Variants in PLCE1 observed in about 807,000 individuals in gnomAD.
PLCE1 encodes phospholipase C epsilon 1, also known as 1-phosphatidylinositol 4,5-bisphosphate phosphodiesterase epsilon-1.
A neutral mutation model predicts 242.8 loss-of-function variants in PLCE1; 119 were observed. The observed-to-expected ratio is 0.49, with a 90% CI of 0.42 to 0.57. The LOEUF (loss-of-function observed/expected upper bound fraction) is 0.57. Among genes scored for constraint, PLCE1 ranks in the 20% least tolerant of loss-of-function variants. The probability of loss-of-function intolerance (pLI) is 0.00; values close to 1 mark genes in which losing one functional copy is unlikely to be tolerated. For missense variants in PLCE1, 2,441 were observed against 2,788.8 expected (o/e 0.88, Z 2.81); for synonymous variants, 945 against 1,017.4 (o/e 0.93, Z 1.35).
rs1564727486 is a variant in PLCE1, at chr10:94,141,632, GGAAA to G, written c.1492+9181_1492+9184del. On this transcript the variant is annotated intron_variant, in intron 3 of 32. Transcript: ENST00000371380. Reference sequence around the variant, plus strand: ...GGAAGGAGAAAGGAAGGCAGAAGGAGGAAAGAAAGAAGGAAGGAAAGAAGAAAGG... The same window carrying G: ...GGAAGGAGAAAGGAAGGCAGAAGGAGGAAAGAAGGAAGGAAAGAAGAAAGG... 1.1e-4 allele frequency among the ~76,000 whole-genome samples: 8 copies of G among 71,842 alleles called. 1 individual carries two copies. The highest frequency in any genetic ancestry group is 7.0e-4 in the African/African-American group (6 of 8,566). 47.1% of individuals were successfully genotyped at this position (71,842 alleles called of 152,430 possible). A position where few individuals can be genotyped will look rare whatever the true frequency, so the allele number is the denominator to read the frequency against.
chr10:94,067,277 T>C (rs2044225066), intron 2 of PLCE1, among the ~76,000 whole-genome samples: 1 of 152,158 alleles, frequency 6.6e-6, no homozygotes, highest in African/African-American at 2.4e-5. Context: ...TTGGGTACCC[T>C]GTTTCTAGCT....
intron 5 of PLCE1, among the ~76,000 whole-genome samples, chr10:94,231,428 A>G (rs977024381): frequency 2.6e-5 from 4 of 152,140 alleles, no homozygotes; most frequent in African/African-American, 9.7e-5. Context: ...TACTTTTCTG[A>G]TTTGATTGCC....
intron 3 of PLCE1, among the ~76,000 whole-genome samples, chr10:94,135,383 G>A (rs1032636510): frequency 6.6e-6 from 1 of 152,296 alleles, no homozygotes; most frequent in East Asian, 1.9e-4. Context: ...CTCTGCCAGA[G>A]GATCAGGAGT....
intron 24 of PLCE1, among the ~76,000 whole-genome samples, chr10:94,303,129 A>T (rs2053093447): frequency 1.3e-5 from 2 of 152,214 alleles, no homozygotes; most frequent in South Asian, 4.1e-4. Context: ...TCCTGCACAA[A>T]ATACTGGCCA....
rs58295151 is a variant in PLCE1 at position 94,202,002 on chromosome 10, G to A, written c.1810-25304G>A. Among the ~76,000 whole-genome samples, 522 of 152,224 alleles carry A rather than the reference G, an allele frequency of 3.4e-3. 1 individual carries two copies. Among genetic ancestry groups the A allele is most frequent in the Middle Eastern group, 0.024 (7 of 292 alleles). On this transcript the variant is annotated intron_variant, in intron 4 of 32. Transcript: ENST00000371380. ...TCAAAATATGAGGCACAAATCAGAG[G>A]CCACTCTTTCTGCCAAGTTAAAGAC...
At position 94,284,023 on chromosome 10, in the gene PLCE1, C is replaced by T. The variant is rs555509358; in HGVS notation, c.4917+112C>T. 667 of 1,243,272 alleles carry T rather than the reference C, an allele frequency of 5.4e-4. 1 individual carries two copies. Among genetic ancestry groups the T allele is most frequent in the Middle Eastern group, 9.6e-4 (5 of 5,188 alleles). The allele number at this position is 1,243,272 out of a possible 1,614,324, so 77.0% of individuals were successfully genotyped here. The stretch of plus-strand genomic sequence containing the variant: ...TCCCTTTCACCTTTCCCCTCACTTT[C>T]CCTTAGATACCTGCCAAAGTTCACT... On this transcript the variant is annotated intron_variant, in intron 21 of 32. Transcript: ENST00000371380.
At chr10:94,025,821 CAT>C (rs1353550746) in intron 1 of PLCE1, among the ~76,000 whole-genome samples, 1 of 152,214 alleles carries the variant, frequency 6.6e-6, no homozygotes, top group Non-Finnish European at 1.5e-5. Context: ...AAGCCTCCCA[CAT>C]AGTTTTCTTG....
rs1407336625 is a variant in PLCE1 at position 94,298,617 on chromosome 10, C to T, written c.5406C>T (p.Leu1802=). Residue 1802 remains leucine, a synonymous_variant, in exon 24 of 33, where the codon CTC becomes CTT. Coordinates refer to ENST00000371380, the MANE Select transcript of PLCE1 (RefSeq NM_016341.4). This position sits in a 1 kb window ranked among gnomAD's most constrained non-coding sequence, Gnocchi z 5.2. The part of the protein sequence containing the change: ...TRIDSSNPNP[L]MFWLHGIQLV... ...TCGACTCTTCCAACCCGAACCCCCT[C>T]ATGTTCTGGCTCCATGGGATACAGC... 1.9e-6 allele frequency: 3 copies of T among 1,614,210 alleles called. No individual in the cohort carries two copies. Among genetic ancestry groups the T allele is most frequent in the Admixed American group, 3.3e-5 (2 of 60,032 alleles).
At chr10:94,034,595 T>G (rs1288591043) in intron 2 of PLCE1, among the ~76,000 whole-genome samples, 1 of 152,162 alleles carries the variant, frequency 6.6e-6, no homozygotes, top group East Asian at 1.9e-4. Flanking sequence ...TCTGTTCGTT[T>G]CAGCATCTGT....
At chr10:94,145,754 C>T (rs1369825200) in intron 3 of PLCE1, among the ~76,000 whole-genome samples, 1 of 151,890 alleles carries the variant, frequency 6.6e-6, no homozygotes, top group Non-Finnish European at 1.5e-5. Context: ...CATTTTGGAC[C>T]CTGGAGTTGT....
At chr10:94,009,985 C>G (rs942460980) in intron 1 of PLCE1, among the ~76,000 whole-genome samples, 1 of 152,246 alleles carries the variant, frequency 6.6e-6, no homozygotes, top group African/African-American at 2.4e-5. Context: ...GTACAAAACA[C>G]TGTGGGGGCT....
rs140902926 is a variant in PLCE1, at chr10:94,015,748, G to A, written c.-364-14935G>A. 4.2e-3 allele frequency among the ~76,000 whole-genome samples: 633 copies of A among 152,278 alleles called. 2 individuals are homozygous for A. Among genetic ancestry groups the A allele is most frequent in the African/African-American group, 0.014 (592 of 41,552 alleles). ...CAGGTTCAGGGAATAGGGGGCTAGC[G>A]CACCCTAACTGAAATGAGTGTCAAA... On this transcript the variant is annotated intron_variant, in intron 1 of 32. Coordinates refer to ENST00000371380, the MANE Select transcript of PLCE1 (RefSeq NM_016341.4).
intron 4 of PLCE1, among the ~76,000 whole-genome samples, chr10:94,224,202 T>A (rs2049862312): frequency 6.6e-6 from 1 of 152,142 alleles, no homozygotes; most frequent in African/African-American, 2.4e-5. Flanking sequence ...CACTCGGCAA[T>A]GGAACAGTTG....
chr10:94,188,618 CT>C (rs1398375507), intron 4 of PLCE1, among the ~76,000 whole-genome samples: 1 of 152,060 alleles, frequency 6.6e-6, no homozygotes, highest in Admixed American at 6.6e-5. Context: ...TTTTGTTTTG[CT>C]TTTTAGATGG....
At position 94,033,168 on chromosome 10, in the gene PLCE1, G is replaced by C. The variant is rs531796650; in HGVS notation, c.1206+916G>C. ...GCATTCTTGAACTTTGGTGTTCGAG[G>C]GGGTAGGGGGCAGTTCTGGAACCAG... On this transcript the variant is annotated intron_variant, in intron 2 of 32. Coordinates refer to ENST00000371380, the MANE Select transcript of PLCE1 (RefSeq NM_016341.4). 1.4e-4 allele frequency among the ~76,000 whole-genome samples: 22 copies of C among 152,042 alleles called. No individual in the cohort carries two copies. The East Asian group carries it at 4.1e-3, about 28-fold the overall frequency.
At chr10:94,164,636 C>T (rs2047730215) in intron 3 of PLCE1, among the ~76,000 whole-genome samples, 1 of 152,226 alleles carries the variant, frequency 6.6e-6, no homozygotes, top group South Asian at 2.1e-4. Flanking sequence ...TCTCTCAACT[C>T]GTCAAAGTCA....
chr10:94,056,206 A>T (rs1157004), intron 2 of PLCE1, among the ~76,000 whole-genome samples: 59,153 of 152,028 alleles, frequency 0.39, 14,244 homozygotes, highest in African/African-American at 0.69. Context: ...AAATTTATAC[A>T]AATTACTCTT....
chr10:94,239,687 C>G (rs1054824387), intron 7 of PLCE1, among the ~76,000 whole-genome samples: 2 of 152,176 alleles, frequency 1.3e-5, no homozygotes, highest in East Asian at 1.9e-4. Flanking sequence ...CTGTGTCCTT[C>G]TACCTCAATA....
chr10:93,998,443 G>T (rs1436416119), intron 1 of PLCE1, among the ~76,000 whole-genome samples: 1 of 152,088 alleles, frequency 6.6e-6, no homozygotes, highest in African/African-American at 2.4e-5. Context: ...CAGTTATCAT[G>T]GCTTAAGGTA....
Sources: allele counts gnomAD v4.1 joint callset (sites outside exome capture counted in the v4.1 genomes callset), GRCh38; gene constraint gnomAD v4.1.1; non-coding constraint Gnocchi (gnomAD v3.1); transcripts MANE v1.5; gene names NCBI Gene and HGNC (gene_info 2026-07-23, HGNC 2026-07-21).